The following VIM variants were observed in gnomAD, a reference collection of about 807,000 sequenced individuals.
VIM encodes the protein epididymis secretory sperm binding protein.
A neutral mutation model predicts 50.3 loss-of-function variants in VIM; 18 were observed. That is an observed-to-expected ratio of 0.36 (90% confidence interval 0.25 to 0.53). The LOEUF is 0.53. Among genes scored for constraint, VIM ranks in the 20% least tolerant of loss-of-function variants. VIM has a pLI of 0.91. For missense variants in VIM, 551 were observed against 614.7 expected (o/e 0.90, Z 1.10); for synonymous variants, 245 against 248.5 (o/e 0.99, Z 0.13).
chr10:17,230,344 A>T, intron 2 of VIM: 1 of 557,434 alleles, frequency 1.8e-6, no homozygotes. Flanking sequence ...GCTGCCAATC[A>T]CCGGGCGGGA....
At position 17,237,507 on chromosome 10, in the gene VIM, A is replaced by G; in HGVS notation, c.*236A>G. On this transcript the variant is annotated 3_prime_UTR_variant, in exon 10 of 10. Coordinates refer to ENST00000544301, the MANE Select transcript of VIM (RefSeq NM_003380.5). ...TGTGCTAGAATACTTTTTAAAAGGT[A>G]TTTTGAATACCATTAAAACTGCTTT... The G allele has an allele frequency of 3.9e-6, 2 of 514,652 alleles. No individual in the cohort carries two copies. The highest frequency in any genetic ancestry group is 6.9e-6 in the Non-Finnish European group (2 of 290,940). The allele number at this position is 514,652 out of a possible 1,614,324, so 31.9% of individuals were successfully genotyped here.
chr10:17,231,624 A>C lies in VIM; in HGVS notation c.624+914A>C, dbSNP rs1455898447. On this transcript the variant is annotated intron_variant, in intron 3 of 9. Coordinates refer to ENST00000544301, the MANE Select transcript of VIM (RefSeq NM_003380.5). ...GACTTGAGAAGTAGGTAATGTAAAA[A>C]GTTTTTAAAGCTACAAGCATACCTC... Among the ~76,000 whole-genome samples, 8 of 152,336 alleles carry C rather than the reference A, an allele frequency of 5.3e-5. No homozygotes were observed. In the South Asian group the frequency reaches 1.4e-3, roughly 28 times the overall value.
chr10:17,234,629 T>A lies in VIM; in HGVS notation c.883-64T>A. 3 of 1,606,420 alleles carry A rather than the reference T, an allele frequency of 1.9e-6. No homozygotes were observed. In the South Asian group the frequency reaches 3.3e-5, roughly 18 times the overall value. ...ACATTCAGTGAGAAATATGATTTTT[T>A]TTTTCTAAGAGAGTCAAAAGACTTG... On this transcript the variant is annotated intron_variant, in intron 5 of 9. Transcript: ENST00000544301.
At position 17,233,677 on chromosome 10, in the gene VIM, G is replaced by A. The variant is rs748255267; in HGVS notation, c.715G>A (p.Glu239Lys). Residue 239 changes from glutamate to lysine, a missense_variant, in exon 4 of 10, where the codon GAA (glutamate) becomes AAA (lysine). Glu to Lys is a moderately conservative substitution (Grantham distance 56). Transcript: ENST00000544301. ...GATTGCCTTTTTGAAGAAACTCCACGAAGAGGTTAGTGGAGTGACTTTCGG... is the reference window on the plus strand; with the variant it reads ...GATTGCCTTTTTGAAGAAACTCCACAAAGAGGTTAGTGGAGTGACTTTCGG... Reference protein sequence around the residue: ...EEIAFLKKLHEEEIQELQAQI... With the variant: ...EEIAFLKKLHKEEIQELQAQI... The A allele has an allele frequency of 5.6e-6, 9 of 1,614,100 alleles. No homozygotes were observed. The highest frequency in any genetic ancestry group is 1.6e-4 in the Middle Eastern group (1 of 6,062).
intron 5 of VIM, 145 bp from the exon 6 acceptor site, chr10:17,234,548 T>C: frequency 8.8e-7 from 1 of 1,131,612 alleles, no homozygotes; most frequent in Non-Finnish European, 1.3e-6. Context: ...CTAATGTCAG[T>C]ACTCCACTGC....
At position 17,235,888 on chromosome 10, in the gene VIM, G is replaced by T; in HGVS notation, c.1272G>T (p.Arg424Ser). ...CAAACTTTTCCTCCCTGAACCTGAGGGGTAAGCATTTTATTTCCCTTTAGG... is the reference window on the plus strand; with the variant it reads ...CAAACTTTTCCTCCCTGAACCTGAGTGGTAAGCATTTTATTTCCCTTTAGG... ...PLPNFSSLNLRETNLDSLPLV... is the reference protein window; with the variant it reads ...PLPNFSSLNLSETNLDSLPLV... The change falls in exon 8 of 10, where the codon AGG (arginine) becomes AGT (serine). Residue 424 changes from arginine to serine, a missense_variant and splice_region_variant. Transcript: ENST00000544301. The T allele has an allele frequency of 6.2e-7, 1 of 1,613,464 alleles. No homozygotes were observed. Among genetic ancestry groups the T allele is most frequent in the South Asian group, 1.1e-5 (1 of 91,080 alleles).
intron 1 of VIM, 103 bp downstream of exon 1, chr10:17,228,627 G>C (rs1488369543): frequency 2.6e-5 from 4 of 152,330 alleles, no homozygotes; most frequent in African/African-American, 9.7e-5. Context: ...GACTGAGCCC[G>C]TTAGGTCCCT....
chr10:17,230,845 G>A, intron 3 of VIM, 135 bp downstream of exon 3: 1 of 912,914 alleles, frequency 1.1e-6, no homozygotes, highest in Non-Finnish European at 1.8e-6. Flanking sequence ...CTAGTGGCGG[G>A]AAGACCACAG....
chr10:17,234,132 A>G (rs937446685), intron 5 of VIM: 20 of 621,574 alleles, frequency 3.2e-5, no homozygotes, highest in Non-Finnish European at 4.5e-5. Context: ...TTATTTATTT[A>G]TGAGACAGAG....
At position 17,230,713 on chromosome 10, in the gene VIM, T is replaced by G. The variant is rs371149727; in HGVS notation, c.624+3T>G. ...ACACCCTGCAATCTTTCAGACAGGT[T>G]TGTAGACTCTCTTCCCACTCGCAGC... On this transcript the variant is annotated splice_donor_region_variant and intron_variant, in intron 3 of 9. Transcript: ENST00000544301. 1 of 1,614,118 alleles carries G rather than the reference T, an allele frequency of 6.2e-7. No homozygotes were observed. Among genetic ancestry groups the G allele is most frequent in the Non-Finnish European group, 8.5e-7 (1 of 1,180,024 alleles).
chr10:17,234,267 A>C, intron 5 of VIM: 1 of 368,544 alleles, frequency 2.7e-6, no homozygotes, highest in South Asian at 2.4e-5. Context: ...GGCAAGCACC[A>C]CCATGCCCGG....
At chr10:17,234,484 AC>A (rs909893467) in intron 5 of VIM, among the ~76,000 whole-genome samples, 32 of 152,240 alleles carry the variant, frequency 2.1e-4, no homozygotes, top group African/African-American at 7.5e-4. Context: ...CCAATGCCAT[AC>A]CTTTGACCTC....
Position 17,234,587 on chromosome 10 carries a change from T to C in VIM, c.883-106T>C, listed in dbSNP as rs1045478374. On this transcript the variant is annotated intron_variant, in intron 5 of 9. Transcript: ENST00000544301. ...TTCCCTGGCTTTCAAAACAGAAATT[T>C]AAACCTATACTGGAAGACATTCAGT... 5.4e-5 allele frequency: 84 copies of C among 1,552,388 alleles called. 1 individual carries two copies. The South Asian group carries it at 8.3e-4, about 15-fold the overall frequency.
At chr10:17,232,188 A>G (rs1846810173) in intron 3 of VIM, among the ~76,000 whole-genome samples, 1 of 152,186 alleles carries the variant, frequency 6.6e-6, no homozygotes, top group Non-Finnish European at 1.5e-5. Flanking sequence ...TGTATTTTTC[A>G]GGGCTTAACA....
Position 17,230,683 on chromosome 10 carries a change from C to T in VIM, c.597C>T (p.Ala199=). 1 of 1,614,098 alleles carries T rather than the reference C, an allele frequency of 6.2e-7. No homozygotes were observed. The highest frequency in any genetic ancestry group is 2.2e-5 in the East Asian group (1 of 44,872). The part of the protein sequence containing the change: ...LQEEMLQREE[A]ENTLQSFRQD... ...AGGAGATGCTTCAGAGAGAGGAAGCCGAAAACACCCTGCAATCTTTCAGAC... is the reference window on the plus strand; with the variant it reads ...AGGAGATGCTTCAGAGAGAGGAAGCTGAAAACACCCTGCAATCTTTCAGAC... The change falls in exon 3 of 10, where the codon GCC becomes GCT. Residue 199 remains alanine (A), a synonymous_variant. Transcript: ENST00000544301.
At chr10:17,234,635 TAAGAG>T in intron 5 of VIM, 53 bp from the exon 6 acceptor site, 3 of 1,607,408 alleles carry the variant, frequency 1.9e-6, no homozygotes, top group Admixed American at 1.7e-5. Context: ...TTTTTTTTTC[TAAGAG>T]AGTCAAAAGA....
chr10:17,229,378 T>G lies in VIM; in HGVS notation c.-45T>G. On this transcript the variant is annotated 5_prime_UTR_variant, in exon 2 of 10. Coordinates refer to ENST00000544301, the MANE Select transcript of VIM (RefSeq NM_003380.5). ...CGTTCGCCTCTTCTCCGGGAGCCAG[T>G]CCGCGCCACCGCCGCCGCCCAGGCC... 1 of 1,556,164 alleles carries G rather than the reference T, an allele frequency of 6.4e-7. No homozygotes were observed.
In VIM at chr10:17,236,275, G is replaced by T; in HGVS notation, c.1274-19G>T. ...AAAAAACTCGTTTTTACTCATTTTT[G>T]GCCTGTTTGTTTATTTAGAAACTAA... On this transcript the variant is annotated intron_variant, in intron 8 of 9. Coordinates refer to ENST00000544301, the MANE Select transcript of VIM (RefSeq NM_003380.5). 6.3e-7 allele frequency: 1 copy of T among 1,581,268 alleles called. No individual in the cohort carries two copies. The highest frequency in any genetic ancestry group is 8.7e-7 in the Non-Finnish European group (1 of 1,150,530).
rs1454621268 is a variant in VIM at position 17,236,197 on chromosome 10, C to G, written c.1274-97C>G. On this transcript the variant is annotated intron_variant, in intron 8 of 9. Coordinates refer to ENST00000544301, the MANE Select transcript of VIM (RefSeq NM_003380.5). ...CGAGTAGTACTTTACACAATTGCCT[C>G]TCCCCCACAAATCATAATTGTTTCA... 4 of 1,014,714 alleles carry G rather than the reference C, an allele frequency of 3.9e-6. No homozygotes were observed. In the African/African-American group the frequency reaches 4.7e-5, roughly 12 times the overall value. 62.9% of individuals were successfully genotyped at this position (1,014,714 alleles called of 1,614,324 possible). A position where few individuals can be genotyped will look rare whatever the true frequency, so the allele number is the denominator to read the frequency against.
Sources: allele counts gnomAD v4.1 joint callset (sites outside exome capture counted in the v4.1 genomes callset), GRCh38; gene constraint gnomAD v4.1.1; transcripts MANE v1.5; gene names NCBI Gene and HGNC (gene_info 2026-07-23, HGNC 2026-07-21).